The following PRDM16 variants were observed in gnomAD, a reference collection of about 807,000 sequenced individuals.
PRDM16 encodes PR/SET domain 16.
A neutral mutation model predicts 110.6 loss-of-function variants in PRDM16; 23 were observed. The ratio of observed to expected loss-of-function variants is 0.21; its 90% CI spans 0.15 to 0.29. PRDM16 has a LOEUF of 0.29. Ranked by LOEUF, PRDM16 falls within the 10% of genes least tolerant of loss-of-function variation. The pLI is 1.00. For missense variants in PRDM16, 1,615 were observed against 1,794.3 expected, an observed-to-expected ratio of 0.90 and a Z score of 1.81; for synonymous variants, 799 against 781.8, an observed-to-expected ratio of 1.02 and a Z score of -0.37.
intron 3 of PRDM16, among the ~76,000 whole-genome samples, chr1:3,346,344 C>T (rs570799621): frequency 1.3e-4 from 20 of 152,074 alleles, no homozygotes; most frequent in African/African-American, 4.3e-4. Context: ...AGTGGAGGAG[C>T]CTGATGGAGC....
At chr1:3,133,091 G>A (rs1056187294) in intron 1 of PRDM16, 4 of 152,270 alleles carry the variant, frequency 2.6e-5, no homozygotes, top group Non-Finnish European at 5.9e-5. Flanking sequence ...CTGCCAGACT[G>A]AGTGGTCCAC....
chr1:3,143,714 T>C lies in PRDM16; in HGVS notation c.38-42411T>C, dbSNP rs1643593960. Among the ~76,000 whole-genome samples, 1 of 152,174 alleles carries C rather than the reference T, an allele frequency of 6.6e-6. No homozygotes were observed. The highest frequency in any genetic ancestry group is 2.4e-5 in the African/African-American group (1 of 41,452). On this transcript the variant is annotated intron_variant, in intron 1 of 16. Transcript: ENST00000270722. The surrounding 1 kb of genome is among the most constrained non-coding windows in gnomAD (Gnocchi z 4.5). ...CCAGTCTTGAACTCCTGACCTCAGGTGATCCTCCCGCCTCGGCCTCCCAAA... is the reference window on the plus strand; with the variant it reads ...CCAGTCTTGAACTCCTGACCTCAGGCGATCCTCCCGCCTCGGCCTCCCAAA...
At chr1:3,287,129 G>A (rs1170046984) in intron 3 of PRDM16, among the ~76,000 whole-genome samples, 2 of 152,196 alleles carry the variant, frequency 1.3e-5, no homozygotes, top group African/African-American at 2.4e-5. Context: ...CCACTGGGGC[G>A]GCAGCATGGA....
chr1:3,364,666 C>T (rs1013413212), intron 3 of PRDM16, among the ~76,000 whole-genome samples: 14 of 152,186 alleles, frequency 9.2e-5, no homozygotes, highest in South Asian at 2.1e-4. Context: ...TATTTGCTGC[C>T]GGGCAGTGAC....
chr1:3,125,788 G>A (rs1219103897), intron 1 of PRDM16, among the ~76,000 whole-genome samples: 1 of 152,228 alleles, frequency 6.6e-6, no homozygotes, highest in African/African-American at 2.4e-5. Context: ...CCTCGGAGCG[G>A]AGCGCGGCAC....
At chr1:3,224,272 A>G (rs1294171501) in intron 2 of PRDM16, among the ~76,000 whole-genome samples, 1 of 152,244 alleles carries the variant, frequency 6.6e-6, no homozygotes, top group East Asian at 1.9e-4. Context: ...AATCAAATTC[A>G]TAATTGAACT....
At chr1:3,324,630 C>T (rs1641844895) in intron 3 of PRDM16, among the ~76,000 whole-genome samples, 1 of 152,046 alleles carries the variant, frequency 6.6e-6, no homozygotes, top group Non-Finnish European at 1.5e-5. Context: ...GGATGCATGG[C>T]CCCCACCCAA....
At chr1:3,141,653 A>G (rs1192098783) in intron 1 of PRDM16, among the ~76,000 whole-genome samples, 1 of 152,232 alleles carries the variant, frequency 6.6e-6, no homozygotes, top group African/African-American at 2.4e-5. Flanking sequence ...CATTAATCAT[A>G]TGTGGCCACA....
chr1:3,366,980 A>G (rs1642827168), intron 3 of PRDM16, among the ~76,000 whole-genome samples: 1 of 152,142 alleles, frequency 6.6e-6, no homozygotes, highest in African/African-American at 2.4e-5. Context: ...TTAAAGATGG[A>G]GCAAGGGCCG....
chr1:3,098,178 C>T (rs957230137), intron 1 of PRDM16, among the ~76,000 whole-genome samples: 12 of 152,168 alleles, frequency 7.9e-5, no homozygotes, highest in African/African-American at 2.4e-4. Context: ...AGCTCCCAGT[C>T]AAGGGCCCTG....
intron 1 of PRDM16, among the ~76,000 whole-genome samples, chr1:3,181,756 G>GGAGTCTTACACACGGA (rs145463364): frequency 3.4e-4 from 21 of 62,410 alleles, no homozygotes; most frequent in Admixed American, 1.0e-3. Context: ...TCTTACACAC[G>GGAGTCTTACACACGGA]GTCTTACACA....
chr1:3,193,134 G>A (rs554323795), intron 2 of PRDM16, among the ~76,000 whole-genome samples: 13 of 152,300 alleles, frequency 8.5e-5, no homozygotes, highest in African/African-American at 2.2e-4. Context: ...GCCAGACGAC[G>A]AGTACCCAGC....
chr1:3,356,311 C>T (rs968883278), intron 3 of PRDM16, among the ~76,000 whole-genome samples: 1 of 152,212 alleles, frequency 6.6e-6, no homozygotes, highest in Non-Finnish European at 1.5e-5. Flanking sequence ...GTGACAGTGC[C>T]CCTGGCCAGG....
intron 3 of PRDM16, among the ~76,000 whole-genome samples, chr1:3,372,494 C>G (rs988797280): frequency 6.6e-6 from 1 of 152,208 alleles, no homozygotes; most frequent in Non-Finnish European, 1.5e-5. Context: ...ACAGAGAAAC[C>G]GCTTCCTGTG....
At chr1:3,176,394 G>A (rs181722183) in intron 1 of PRDM16, among the ~76,000 whole-genome samples, 1 of 150,696 alleles carries the variant, frequency 6.6e-6, no homozygotes, top group African/African-American at 2.4e-5. Flanking sequence ...CTTTGGGGAA[G>A]AGCTGCCTCA....
At chr1:3,178,085 A>G (rs530201190) in intron 1 of PRDM16, among the ~76,000 whole-genome samples, 1 of 152,308 alleles carries the variant, frequency 6.6e-6, no homozygotes, top group African/African-American at 2.4e-5. Flanking sequence ...TACAAGAATG[A>G]TGGCCCGGTG....
chr1:3,354,359 C>T (rs1642552540), intron 3 of PRDM16, among the ~76,000 whole-genome samples: 1 of 150,628 alleles, frequency 6.6e-6, no homozygotes, highest in Non-Finnish European at 1.5e-5. Context: ...ACTCAGGAGG[C>T]TGAGGCAGGA....
chr1:3,225,810 C>G (rs548567877), intron 2 of PRDM16, among the ~76,000 whole-genome samples: 3 of 152,222 alleles, frequency 2.0e-5, no homozygotes, highest in African/African-American at 7.2e-5. Context: ...CCAGAAGTGT[C>G]GGATCACAGG....
At chr1:3,431,849 G>T (rs1638777852) in intron 15 of PRDM16, 117 bp from the exon 16 acceptor site, 2 of 991,364 alleles carry the variant, frequency 2.0e-6, no homozygotes, top group African/African-American at 3.2e-5. Context: ...TGTGCATGTG[G>T]CTGGCAGAGA....
Sources: allele counts gnomAD v4.1 joint callset (sites outside exome capture counted in the v4.1 genomes callset), GRCh38; gene constraint gnomAD v4.1.1; non-coding constraint Gnocchi (gnomAD v3.1); transcripts MANE v1.5; gene names NCBI Gene and HGNC (gene_info 2026-07-23, HGNC 2026-07-21).